Variants in GHRL observed in about 807,000 individuals in gnomAD.
GHRL encodes the protein appetite-regulating hormone.
GHRL carries 24 observed loss-of-function variants against 16.9 expected under a neutral mutation model. That is an observed-to-expected ratio of 1.42 (90% CI 1.03 to 2.00). The LOEUF (loss-of-function observed/expected upper bound fraction) is 2.00. Among genes scored for constraint, GHRL ranks in the 30% most tolerant of loss-of-function variants. The pLI, the probability that GHRL is intolerant of heterozygous loss-of-function variation, is 0.00. For synonymous variants in GHRL, 63 were observed against 58.2 expected (o/e 1.08, Z -0.37); for missense variants, 193 against 142.1 (o/e 1.36, Z -1.82).
intron 2 of GHRL, 159 bp from the exon 3 acceptor site, chr3:10,290,368 T>C: frequency 1.5e-6 from 1 of 654,988 alleles, no homozygotes; most frequent in Non-Finnish European, 2.6e-6. Context: ...AGGTAGAAGA[T>C]GATGGATGTG....
At chr3:10,286,557 C>G (rs746008875) in intron 5 of GHRL, 147 bp downstream of exon 5, 1 of 582,572 alleles carries the variant, frequency 1.7e-6, no homozygotes, top group Non-Finnish European at 3.1e-6. Context: ...CAAATACTAG[C>G]CAACCACTAT....
chr3:10,291,571 G>T, intron 1 of GHRL, 120 bp from the exon 2 acceptor site: 2 of 586,444 alleles, frequency 3.4e-6, no homozygotes, highest in Non-Finnish European at 4.3e-6. Context: ...AGGCGATGGG[G>T]GGAAAGTGGC....
rs775181399 is a variant in GHRL, at chr3:10,285,844, T to G, written c.*31A>C. 5.3e-5 allele frequency: 85 copies of G among 1,604,544 alleles called. No individual in the cohort carries two copies. The highest frequency in any genetic ancestry group is 6.6e-5 in the Non-Finnish European group (77 of 1,171,498). On this transcript the variant is annotated 3_prime_UTR_variant, in exon 6 of 6. Coordinates refer to ENST00000335542, the MANE Select transcript of GHRL (RefSeq NM_016362.5). ...AAAAGCCAGATGAGCGCTTCTAAACTTAGAGAGAGGTGAGTAAGGCTTGTG... is the reference window on the plus strand; with the variant it reads ...AAAAGCCAGATGAGCGCTTCTAAACGTAGAGAGAGGTGAGTAAGGCTTGTG...
chr3:10,289,692 C>T lies in GHRL; in HGVS notation c.225+70G>A, dbSNP rs982104248. The T allele has an allele frequency of 4.2e-6, 4 of 950,802 alleles. No homozygotes were observed. In the Admixed American group the frequency reaches 5.1e-5, roughly 12 times the overall value. 58.9% of individuals were successfully genotyped at this position (950,802 alleles called of 1,614,324 possible). Reference sequence around the variant, plus strand: ...GGGACCCTGTTCACTGCCACCTCTCCCTGCCCTCCCTCTCCCCTGACCCCA... The same window carrying T: ...GGGACCCTGTTCACTGCCACCTCTCTCTGCCCTCCCTCTCCCCTGACCCCA... On this transcript the variant is annotated intron_variant, in intron 4 of 5. Transcript: ENST00000335542.
In GHRL at chr3:10,290,697, G is replaced by C. The variant is rs1421869891; in HGVS notation, c.-30+19C>G. The C allele has an allele frequency of 3.0e-6, 3 of 1,004,686 alleles. No individual in the cohort carries two copies. The highest frequency in any genetic ancestry group is 5.6e-5 in the Admixed American group (1 of 17,728). The allele number at this position is 1,004,686 out of a possible 1,614,324, so 62.2% of individuals were successfully genotyped here. ...ATAAACCTGTCAGCAAACGCACACGGAGAGTAGAGAGAGCTTACCTGCAGT... is the reference window on the plus strand; with the variant it reads ...ATAAACCTGTCAGCAAACGCACACGCAGAGTAGAGAGAGCTTACCTGCAGT... On this transcript the variant is annotated intron_variant, in intron 2 of 5. Coordinates refer to ENST00000335542, the MANE Select transcript of GHRL (RefSeq NM_016362.5).
intron 4 of GHRL, among the ~76,000 whole-genome samples, chr3:10,288,717 G>GA (rs1699469986): frequency 6.6e-6 from 1 of 152,222 alleles, no homozygotes; most frequent in Non-Finnish European, 1.5e-5. Flanking sequence ...CTCGACTGGA[G>GA]AAGAGTATGG....
intron 1 of GHRL, 140 bp from the exon 2 acceptor site, chr3:10,291,591 G>A (rs933242460): frequency 1.6e-5 from 6 of 383,540 alleles, no homozygotes; most frequent in African/African-American, 2.2e-5. Flanking sequence ...CTTCTAACCT[G>A]TGAAACACCC....
chr3:10,291,362 T>C lies in GHRL; in HGVS notation c.-676A>G, dbSNP rs934338932. 72 of 985,378 alleles carry C rather than the reference T, an allele frequency of 7.3e-5. No individual in the cohort carries two copies. Among genetic ancestry groups the C allele is most frequent in the Non-Finnish European group, 8.7e-5 (72 of 830,012 alleles). The allele number at this position is 985,378 out of a possible 1,614,324, so 61.0% of individuals were successfully genotyped here. The stretch of plus-strand genomic sequence containing the variant: ...GTGACATGACTGCCTGGCCTGGCGT[T>C]TTTTCACATAGCAGCTTGCCTTGCC... On this transcript the variant is annotated 5_prime_UTR_variant, in exon 2 of 6. Coordinates refer to ENST00000335542, the MANE Select transcript of GHRL (RefSeq NM_016362.5).
chr3:10,287,858 C>G (rs1168805522), intron 4 of GHRL: 2 of 152,170 alleles, frequency 1.3e-5, no homozygotes, highest in African/African-American at 4.9e-5. Flanking sequence ...TTTTCGAAAT[C>G]TCCCTCCCCT....
rs577286043 is a variant in GHRL, at chr3:10,292,426, A to C, written c.-766+416T>G. ...GATTGCCGAATGACCACCTACCCTG[A>C]CTTAAAAGATCAACCTCAGGGAGGA... On this transcript the variant is annotated intron_variant, in intron 1 of 5. Coordinates refer to ENST00000335542, the MANE Select transcript of GHRL (RefSeq NM_016362.5). The C allele has an allele frequency of 7.6e-5, 14 of 183,374 alleles. No individual in the cohort carries two copies. The East Asian group carries it at 2.1e-3, about 28-fold the overall frequency. The allele number at this position is 183,374 out of a possible 1,614,324, so 11.4% of individuals were successfully genotyped here. A position where few individuals can be genotyped will look rare whatever the true frequency, so the allele number is the denominator to read the frequency against.
At position 10,285,686 on chromosome 3, in the gene GHRL, A is replaced by G; in HGVS notation, c.*189T>C. 1 of 544,488 alleles carries G rather than the reference A, an allele frequency of 1.8e-6. No homozygotes were observed. Among genetic ancestry groups the G allele is most frequent in the Non-Finnish European group, 3.3e-6 (1 of 298,920 alleles). The allele number at this position is 544,488 out of a possible 1,614,324, so 33.7% of individuals were successfully genotyped here. On this transcript the variant is annotated 3_prime_UTR_variant, in exon 6 of 6. Coordinates refer to ENST00000335542, the MANE Select transcript of GHRL (RefSeq NM_016362.5). ...AATTATTTTTATTTGTATTATTTTG[A>G]TTTTTTTAAAGTAAAATATTAACTT... is the stretch of plus-strand genomic sequence containing the variant.
chr3:10,290,347 T>C, intron 2 of GHRL, 138 bp from the exon 3 acceptor site: 1 of 745,552 alleles, frequency 1.3e-6, no homozygotes, highest in Non-Finnish European at 2.1e-6. Context: ...GACCCCCGCT[T>C]CCACCTCCCA....
intron 4 of GHRL, chr3:10,288,261 G>A: frequency 6.6e-6 from 1 of 152,234 alleles, no homozygotes; most frequent in Non-Finnish European, 1.5e-5. Flanking sequence ...AGAGGGGCCT[G>A]AGATGAGAGA....
At position 10,290,149 on chromosome 3, in the gene GHRL, A is replaced by T. The variant is rs933865089; in HGVS notation, c.32T>A (p.Leu11Gln). 2 of 1,612,884 alleles carry T rather than the reference A, an allele frequency of 1.2e-6. No homozygotes were observed. The highest frequency in any genetic ancestry group is 2.7e-5 in the African/African-American group (2 of 74,932). The part of the protein sequence containing the change: MPSPGTVCSL[L>Q]LLGMLWLDLA... ...GTCCAGCCAGAGCATGCCGAGGAGC[A>T]GGAGGCTGCAGACGGTCCCTGGGGA... Residue 11 changes from leucine (L) to glutamine (Q), a missense_variant, in exon 3 of 6, where the codon CTG becomes CAG. Leu to Gln is a moderately radical substitution (Grantham distance 113). Transcript: ENST00000335542.
intron 1 of GHRL, 145 bp downstream of exon 1, chr3:10,292,697 G>A: frequency 1.6e-6 from 1 of 612,616 alleles, no homozygotes; most frequent in East Asian, 3.1e-5. Context: ...GGCTGAATGT[G>A]GAGAGGGTGG....
At position 10,290,962 on chromosome 3, in the gene GHRL, G is replaced by A. The variant is rs1699915897; in HGVS notation, c.-276C>T. ...GTGCTCCAGCTGTCCCTGGAACACG[G>A]TGGCGGGGTGCCCCAAGTGGGCATG... On this transcript the variant is annotated 5_prime_UTR_variant, in exon 2 of 6. Coordinates refer to ENST00000335542, the MANE Select transcript of GHRL (RefSeq NM_016362.5). 3.0e-6 allele frequency: 3 copies of A among 985,874 alleles called. No homozygotes were observed. Among genetic ancestry groups the A allele is most frequent in the Admixed American group, 6.1e-5 (1 of 16,294 alleles). 61.1% of individuals were successfully genotyped at this position (985,874 alleles called of 1,614,324 possible).
At chr3:10,292,644 T>C (rs1257730460) in intron 1 of GHRL, 198 bp downstream of exon 1, 3 of 555,980 alleles carry the variant, frequency 5.4e-6, no homozygotes, top group African/African-American at 2.0e-5. Flanking sequence ...CAGGCCTGTC[T>C]GCCACCTGAG....
At chr3:10,290,618 G>A in intron 2 of GHRL, 98 bp downstream of exon 2, 17 of 452,770 alleles carry the variant, frequency 3.8e-5, no homozygotes, top group Non-Finnish European at 5.2e-5. Context: ...CCCGTGTTTA[G>A]AGGGGACTCC....
At position 10,290,170 on chromosome 3, in the gene GHRL, G is replaced by T. The variant is rs1412849242; in HGVS notation, c.11C>A (p.Pro4Gln). 2 of 1,611,544 alleles carry T rather than the reference G, an allele frequency of 1.2e-6. No homozygotes were observed. Among genetic ancestry groups the T allele is most frequent in the South Asian group, 2.2e-5 (2 of 90,534 alleles). The change falls in exon 3 of 6, where the codon CCA (proline) becomes CAA (glutamine). Residue 4 changes from proline (P) to glutamine (Q), a missense_variant. Pro to Gln is a moderately conservative substitution (Grantham distance 76). Transcript: ENST00000335542. MPS[P>Q]GTVCSLLLLG... ...GAGCAGGAGGCTGCAGACGGTCCCT[G>T]GGGAGGGCATGGCCTCAGCTGGGTT...
Sources: gnomAD v4.1 joint callset for allele counts (sites outside exome capture counted in the v4.1 genomes callset) on GRCh38, gnomAD v4.1.1 for gene constraint, MANE v1.5 for transcripts, NCBI Gene and HGNC (gene_info 2026-07-23, HGNC 2026-07-21) for gene names.